Variants in SLIT3 observed in about 807,000 individuals in gnomAD.
SLIT3 encodes slit homolog 3 protein.
A neutral mutation model predicts 184.0 loss-of-function variants in SLIT3; 68 were observed. That is an observed-to-expected ratio of 0.37 (90% CI 0.30 to 0.45). SLIT3 has a LOEUF of 0.45. Ranked by LOEUF, SLIT3 falls within the 20% of genes least tolerant of loss-of-function variation. The probability of loss-of-function intolerance (pLI) is 1.00; values close to 1 mark genes in which losing one functional copy is unlikely to be tolerated. For synonymous variants in SLIT3, 831 were observed against 828.6 expected (o/e 1.00, Z -0.05); for missense variants, 1,707 against 2,026.0 (o/e 0.84, Z 3.02).
At chr5:168,834,686 CAAAAAAAAAAAAAAAAAAAAAAAA>C (rs540528948) in intron 6 of SLIT3, among the ~76,000 whole-genome samples, 1 of 37,424 alleles carries the variant, frequency 2.7e-5, no homozygotes, top group Non-Finnish European at 4.8e-5. Flanking sequence ...GACTCTGTCT[CAAAAAAAAAAAAAAAAAAAAAAAA>C]AAAAAAAAAA....
intron 4 of SLIT3, among the ~76,000 whole-genome samples, chr5:169,170,352 C>T (rs369147252): frequency 2.6e-5 from 4 of 152,302 alleles, no homozygotes; most frequent in African/African-American, 9.6e-5. Flanking sequence ...CCAAAGGCAA[C>T]CAAGGAAGAG....
intron 4 of SLIT3, among the ~76,000 whole-genome samples, chr5:168,980,654 C>G (rs1045592833): frequency 6.6e-6 from 1 of 152,134 alleles, no homozygotes. Context: ...TCCAGGGCTA[C>G]AAGGCTAAGA....
intron 6 of SLIT3, among the ~76,000 whole-genome samples, chr5:168,834,317 G>T (rs1434882674): frequency 6.6e-6 from 1 of 152,000 alleles, no homozygotes; most frequent in African/African-American, 2.4e-5. Context: ...CCTTTTGGTG[G>T]GCCATTGTTG....
chr5:168,752,661 T>C (rs11743152), intron 18 of SLIT3: 87,196 of 345,172 alleles, frequency 0.25, 12,473 homozygotes, highest in African/African-American at 0.43. Context: ...TCCCAAAGTG[T>C]TAGGATTACA....
At chr5:168,752,493 C>T (rs1215851979) in intron 18 of SLIT3, 1 of 155,792 alleles carries the variant, frequency 6.4e-6, no homozygotes, top group Non-Finnish European at 1.4e-5. Flanking sequence ...CTCCCGGGTT[C>T]CAGCAACTGT....
chr5:168,998,513 G>A (rs999669199), intron 4 of SLIT3, among the ~76,000 whole-genome samples: 1 of 152,062 alleles, frequency 6.6e-6, no homozygotes, highest in East Asian at 1.9e-4. Flanking sequence ...AGACCAGCCT[G>A]GCCAATATGG....
At chr5:168,966,919 C>T (rs1328423617) in intron 4 of SLIT3, among the ~76,000 whole-genome samples, 1 of 152,132 alleles carries the variant, frequency 6.6e-6, no homozygotes, top group Non-Finnish European at 1.5e-5. Flanking sequence ...TTCAAAAGCT[C>T]TTAACGTGCA....
chr5:168,686,866 G>C (rs556742624), intron 30 of SLIT3, 113 bp downstream of exon 30: 1 of 1,291,944 alleles, frequency 7.7e-7, no homozygotes, highest in Admixed American at 1.9e-5. Context: ...ACCCAGAACC[G>C]GGGCTACAGC....
chr5:168,732,015 A>C (rs966535141), intron 20 of SLIT3, among the ~76,000 whole-genome samples: 2 of 152,146 alleles, frequency 1.3e-5, no homozygotes, highest in African/African-American at 4.8e-5. Flanking sequence ...ATTTCTGCTG[A>C]TGATATGATC....
At chr5:168,851,599 C>T (rs1758682137) in intron 5 of SLIT3, among the ~76,000 whole-genome samples, 2 of 152,146 alleles carry the variant, frequency 1.3e-5, no homozygotes, top group Admixed American at 6.5e-5. Context: ...CTCAAATCTA[C>T]CTGCATCCTG....
chr5:168,806,297 G>A (rs1756954443), intron 9 of SLIT3, 149 bp downstream of exon 9: 2 of 830,274 alleles, frequency 2.4e-6, no homozygotes, highest in South Asian at 1.7e-5. Flanking sequence ...AGCTGGGAAA[G>A]TGTGGAAGGA....
intron 5 of SLIT3, among the ~76,000 whole-genome samples, chr5:168,860,926 T>C (rs1425652223): frequency 6.6e-6 from 1 of 152,190 alleles, no homozygotes; most frequent in Non-Finnish European, 1.5e-5. Context: ...ATGCTGTGCC[T>C]CTCATTTCTA....
intron 5 of SLIT3, among the ~76,000 whole-genome samples, chr5:168,862,305 G>A (rs917570144): frequency 4.6e-5 from 7 of 152,194 alleles, no homozygotes; most frequent in Middle Eastern, 3.4e-3. Context: ...AGAAATCACC[G>A]CTAAAGAACT....
chr5:168,893,615 C>T (rs1307747990), intron 4 of SLIT3, among the ~76,000 whole-genome samples: 4 of 152,282 alleles, frequency 2.6e-5, no homozygotes, highest in South Asian at 4.1e-4. Context: ...TCCTTGTTCC[C>T]GTGTCTTCTT....
At chr5:168,836,570 C>T (rs1245349507) in intron 6 of SLIT3, among the ~76,000 whole-genome samples, 3 of 152,110 alleles carry the variant, frequency 2.0e-5, no homozygotes, top group Non-Finnish European at 4.4e-5. Context: ...CTATTTTTCC[C>T]ATTTGTTCTA....
In SLIT3 at chr5:168,730,460, T is replaced by C. The variant is rs139718986; in HGVS notation, c.2271-5976A>G. Reference sequence around the variant, plus strand: ...CCAGCACATGGAACATTCTCCAAGATAGACCACAAGTTAGCCCACAAAACA... The same window carrying C: ...CCAGCACATGGAACATTCTCCAAGACAGACCACAAGTTAGCCCACAAAACA... On this transcript the variant is annotated intron_variant, in intron 20 of 35. Coordinates refer to ENST00000519560, the MANE Select transcript of SLIT3 (RefSeq NM_003062.4). Among the ~76,000 whole-genome samples the C allele has an allele frequency of 1.4e-4, 22 of 152,186 alleles. No individual in the cohort carries two copies. The East Asian group carries it at 1.5e-3, about 11-fold the overall frequency.
chr5:169,163,213 C>T (rs1277608793), intron 4 of SLIT3, among the ~76,000 whole-genome samples: 1 of 151,986 alleles, frequency 6.6e-6, no homozygotes, highest in African/African-American at 2.4e-5. Flanking sequence ...CCCAGCTACT[C>T]AGGAGGCTGA....
chr5:168,757,398 A>G (rs60032202), intron 16 of SLIT3, among the ~76,000 whole-genome samples: 59,661 of 152,080 alleles, frequency 0.39, 12,729 homozygotes, highest in East Asian at 0.66. Context: ...GGCTCCTGAA[A>G]GTGTCTGGGT....
At chr5:169,096,502 A>G (rs1460213588) in intron 4 of SLIT3, among the ~76,000 whole-genome samples, 1 of 152,268 alleles carries the variant, frequency 6.6e-6, no homozygotes, top group African/African-American at 2.4e-5. Flanking sequence ...AAAAGCAGCC[A>G]TAGATATGTA....
Sources: gnomAD v4.1 joint callset for allele counts (sites outside exome capture counted in the v4.1 genomes callset) on GRCh38, gnomAD v4.1.1 for gene constraint, MANE v1.5 for transcripts, NCBI Gene and HGNC (gene_info 2026-07-23, HGNC 2026-07-21) for gene names.